Variants in SLC1A3 observed in about 807,000 individuals in gnomAD.
SLC1A3 encodes excitatory amino acid transporter 1.
In SLC1A3, 21 loss-of-function variants were observed where a neutral mutation model predicts 48.1. The observed-to-expected ratio is 0.44, with a 90% confidence interval of 0.31 to 0.63. SLC1A3 has a LOEUF of 0.63. Ranked by LOEUF, SLC1A3 falls within the 20% of genes least tolerant of loss-of-function variation. The pLI is 0.08. For missense variants in SLC1A3, 546 were observed against 689.0 expected (o/e 0.79, Z 2.32); for synonymous variants, 239 against 251.4 (o/e 0.95, Z 0.47).
chr5:36,667,649 C>A (rs986082207), intron 3 of SLC1A3: 2 of 152,066 alleles, frequency 1.3e-5, no homozygotes. Flanking sequence ...ATTAAATGAC[C>A]ATTACCATCA....
intron 3 of SLC1A3, chr5:36,669,900 G>A (rs1037985354): frequency 2.4e-4 from 36 of 150,880 alleles, no homozygotes; most frequent in African/African-American, 8.3e-4. Flanking sequence ...TCTGATACTC[G>A]TCATTGAAAT....
Position 36,680,471 on chromosome 5 carries a change from C to G in SLC1A3, c.1171C>G (p.Leu391Val). The change falls in exon 8 of 10, where the codon CTC becomes GTC. Residue 391 changes from leucine (L) to valine (V), a missense_variant. Leu to Val is a conservative substitution (Grantham distance 32). Around this residue, in one of 3 missense-constraint regions of SLC1A3, gnomAD observed 142 missense variants for 238.0 expected, o/e 0.60. Coordinates refer to ENST00000265113, the MANE Select transcript of SLC1A3 (RefSeq NM_004172.5). ...GGACAAGCGCGTCACCAGATTCGTG[C>G]TCCCCGTAGGAGCCACCATTAACAT... ...GVDKRVTRFV[L>V]PVGATINMDG... The G allele has an allele frequency of 6.2e-7, 1 of 1,614,200 alleles. No homozygotes were observed. The highest frequency in any genetic ancestry group is 1.7e-5 in the Admixed American group (1 of 60,026).
intron 2 of SLC1A3, chr5:36,612,864 C>T (rs1331286189): frequency 2.2e-6 from 1 of 455,888 alleles, no homozygotes; most frequent in South Asian, 1.6e-5. Flanking sequence ...CTATAACACC[C>T]ATTCTGGCTT....
At chr5:36,635,686 T>C (rs1561254455) in intron 3 of SLC1A3, among the ~76,000 whole-genome samples, 1 of 152,204 alleles carries the variant, frequency 6.6e-6, no homozygotes, top group Non-Finnish European at 1.5e-5. Context: ...TCAGCCCCAA[T>C]GTGTAACACC....
At chr5:36,613,368 A>T (rs1450881227) in intron 2 of SLC1A3, 1 of 153,258 alleles carries the variant, frequency 6.5e-6, no homozygotes, top group South Asian at 2.0e-4. Context: ...TAAAAGCACT[A>T]ATCTTTCAGA....
intron 2 of SLC1A3, among the ~76,000 whole-genome samples, chr5:36,614,461 T>C (rs1739348973): frequency 6.6e-6 from 1 of 152,088 alleles, no homozygotes; most frequent in Admixed American, 6.6e-5. Context: ...AACGGGCTTT[T>C]AGATGCAGAA....
chr5:36,648,968 T>C (rs1039367001), intron 3 of SLC1A3, among the ~76,000 whole-genome samples: 2 of 152,236 alleles, frequency 1.3e-5, no homozygotes, highest in Non-Finnish European at 2.9e-5. Flanking sequence ...GCTATAATTA[T>C]AGTCCTTATG....
At chr5:36,622,341 C>A (rs974910711) in intron 2 of SLC1A3, among the ~76,000 whole-genome samples, 2 of 152,104 alleles carry the variant, frequency 1.3e-5, no homozygotes, top group Non-Finnish European at 2.9e-5. Context: ...GAAGATTTGG[C>A]GTAGTAATAA....
At chr5:36,632,252 C>G (rs1035764731) in intron 3 of SLC1A3, among the ~76,000 whole-genome samples, 12 of 152,200 alleles carry the variant, frequency 7.9e-5, no homozygotes, top group Non-Finnish European at 1.5e-4. Flanking sequence ...TTTTAAGAAC[C>G]TGCAGATTCT....
At chr5:36,600,776 A>C (rs188538262) in intron 1 of SLC1A3, among the ~76,000 whole-genome samples, 55 of 152,314 alleles carry the variant, frequency 3.6e-4, no homozygotes, top group African/African-American at 1.3e-3. Context: ...TTCACAGAAG[A>C]TAGAATTTGA....
chr5:36,619,568 A>G (rs1160835365), intron 2 of SLC1A3, among the ~76,000 whole-genome samples: 1 of 152,198 alleles, frequency 6.6e-6, no homozygotes, highest in African/African-American at 2.4e-5. Context: ...TGAGGCCAGA[A>G]GTTCGAGACC....
rs1313467519 is a variant in SLC1A3, at chr5:36,629,305, TC to T, written c.182-144del. ...GATAATGACTGCAAAGATAGATACATCTCTTGCTCCCAAAGCAGCACAGATA... is the reference window on the plus strand; with the variant it reads ...GATAATGACTGCAAAGATAGATACATTCTTGCTCCCAAAGCAGCACAGATA... On this transcript the variant is annotated intron_variant, in intron 2 of 9. Transcript: ENST00000265113. 48 of 720,144 alleles carry T rather than the reference TC, an allele frequency of 6.7e-5. No homozygotes were observed. In the South Asian group the frequency reaches 7.8e-4, roughly 12 times the overall value. 44.6% of individuals were successfully genotyped at this position (720,144 alleles called of 1,614,324 possible).
chr5:36,633,596 G>C (rs1223378726), intron 3 of SLC1A3, among the ~76,000 whole-genome samples: 1 of 152,184 alleles, frequency 6.6e-6, no homozygotes, highest in African/African-American at 2.4e-5. Context: ...GCTGAGGAGA[G>C]AGCTTCCCTG....
intron 3 of SLC1A3, among the ~76,000 whole-genome samples, chr5:36,660,956 TC>T (rs1741486386): frequency 6.6e-6 from 1 of 152,072 alleles, no homozygotes; most frequent in Non-Finnish European, 1.5e-5. Context: ...CTCTTGTCAT[TC>T]TCTCAGCTCT....
At chr5:36,649,678 C>G (rs1740982288) in intron 3 of SLC1A3, among the ~76,000 whole-genome samples, 1 of 152,136 alleles carries the variant, frequency 6.6e-6, no homozygotes, top group East Asian at 1.9e-4. Context: ...AAGAAAAGTC[C>G]TGATCAATGA....
At chr5:36,629,398 G>A (rs1335946992) in intron 2 of SLC1A3, 52 bp from the exon 3 acceptor site, 42 of 1,525,722 alleles carry the variant, frequency 2.8e-5, no homozygotes, top group Non-Finnish European at 3.8e-5. Flanking sequence ...TGTTCCTTCT[G>A]TTTCAAAAAA....
chr5:36,683,815 G>A (rs745816231), intron 8 of SLC1A3, 49 bp from the exon 9 acceptor site: 10 of 1,611,762 alleles, frequency 6.2e-6, no homozygotes, highest in Admixed American at 3.3e-5. Context: ...TATGCTCTAC[G>A]TGGGGAGCTT....
chr5:36,607,771 T>G (rs1336427669), intron 1 of SLC1A3, among the ~76,000 whole-genome samples: 2 of 152,242 alleles, frequency 1.3e-5, no homozygotes, highest in Non-Finnish European at 2.9e-5. Flanking sequence ...ACTTGTGTTC[T>G]TTTTATGACC....
At chr5:36,603,696 C>T (rs544744675), upstream of SLC1A3, among the ~76,000 whole-genome samples, 2 of 152,268 alleles carry the variant, frequency 1.3e-5, no homozygotes, top group African/African-American at 4.8e-5. Context: ...CACCTACTGC[C>T]TCTAACACAT....
Sources: gnomAD v4.1 joint callset for allele counts (sites outside exome capture counted in the v4.1 genomes callset) on GRCh38, gnomAD v4.1.1 for gene constraint, gnomAD v4.1.1 regional missense constraint, MANE v1.5 for transcripts, NCBI Gene and HGNC (gene_info 2026-07-23, HGNC 2026-07-21) for gene names.